The following NXNL2 variants were observed in gnomAD, a reference collection of about 807,000 sequenced individuals.
NXNL2 encodes the protein nucleoredoxin-like protein 2.
In NXNL2, 7 loss-of-function variants were observed where a neutral mutation model predicts 11.1. The observed-to-expected ratio is 0.63, with a 90% CI of 0.36 to 1.18. NXNL2 has a LOEUF of 1.18. Among genes scored for constraint, NXNL2 ranks in the 50% most tolerant of loss-of-function variants. The pLI, the probability that NXNL2 is intolerant of heterozygous loss-of-function variation, is 0.02. For synonymous variants in NXNL2, 109 were observed against 101.8 expected (o/e 1.07, Z -0.42); for missense variants, 233 against 217.7 (o/e 1.07, Z -0.44).
intron 1 of NXNL2, among the ~76,000 whole-genome samples, chr9:88,564,211 GAA>G (rs1170933893): frequency 7.9e-6 from 1 of 125,812 alleles, no homozygotes. Flanking sequence ...AACTCCATTT[GAA>G]AAAAAAAAAA....
intron 1 of NXNL2, among the ~76,000 whole-genome samples, chr9:88,555,274 A>T (rs1417532342): frequency 2.0e-5 from 3 of 152,196 alleles, no homozygotes; most frequent in Non-Finnish European, 4.4e-5. Flanking sequence ...TTGCTTGATC[A>T]TATGCTAAAC....
Position 88,535,600 on chromosome 9 carries a change from G to T in NXNL2, c.166G>T (p.Val56Leu). 6.2e-7 allele frequency: 1 copy of T among 1,609,422 alleles called. No homozygotes were observed. The highest frequency in any genetic ancestry group is 8.5e-7 in the Non-Finnish European group (1 of 1,179,326). ...GCTCTGCGACTTCTATACGGCGCTG[G>T]TGGCCGAGGCGCGGCGGCCCGCGCC... ...PLLCDFYTAL[V>L]AEARRPAPFE... The change falls in exon 1 of 2, where the codon GTG (valine) becomes TTG (leucine). Residue 56 changes from valine (V) to leucine (L), a missense_variant. Physicochemically the swap from Val to Leu is conservative, Grantham distance 32. Coordinates refer to ENST00000375854, the MANE Select transcript of NXNL2 (RefSeq NM_001161625.2).
chr9:88,577,340 C>A (rs756496059), downstream of NXNL2, among the ~76,000 whole-genome samples: 1 of 151,882 alleles, frequency 6.6e-6, no homozygotes, highest in African/African-American at 2.4e-5. Context: ...TTGTGATGCA[C>A]CCCCGGGCAG....
chr9:88,579,540 G>A (rs780736670), downstream of NXNL2, among the ~76,000 whole-genome samples: 1 of 152,170 alleles, frequency 6.6e-6, no homozygotes, highest in Non-Finnish European at 1.5e-5. Flanking sequence ...TGATGCTTAA[G>A]CCAAACGCTC....
At chr9:88,547,912 G>A (rs147373401), downstream of NXNL2, among the ~76,000 whole-genome samples, 909 of 152,018 alleles carry the variant, frequency 6.0e-3, 4 homozygotes, top group Non-Finnish European at 7.4e-3. Flanking sequence ...AGCTACCCGG[G>A]AGGCTGAGGC....
intron 1 of NXNL2, among the ~76,000 whole-genome samples, chr9:88,555,412 C>T (rs993406028): frequency 5.3e-5 from 8 of 152,026 alleles, no homozygotes; most frequent in South Asian, 2.1e-4. Flanking sequence ...ACTGTCATGG[C>T]GCCAGTGGGA....
At chr9:88,555,675 G>A (rs1829999233) in intron 1 of NXNL2, among the ~76,000 whole-genome samples, 2 of 152,266 alleles carry the variant, frequency 1.3e-5, no homozygotes, top group South Asian at 4.1e-4. Context: ...GATTCTTTCG[G>A]TGCCGCTTTG....
chr9:88,544,588 T>A lies in NXNL2; in HGVS notation c.*41T>A. ...AGAGGGCCAGGACAGGTGCTGCTTC[T>A]CCAGCACCGACGCTGGGGCAAAGAG... On this transcript the variant is annotated 3_prime_UTR_variant, in exon 2 of 2. Coordinates refer to ENST00000375854, the MANE Select transcript of NXNL2 (RefSeq NM_001161625.2). 6.8e-7 allele frequency: 1 copy of A among 1,473,846 alleles called. No individual in the cohort carries two copies. The highest frequency in any genetic ancestry group is 9.0e-7 in the Non-Finnish European group (1 of 1,108,072). 91.3% of individuals were successfully genotyped at this position (1,473,846 alleles called of 1,614,324 possible). A position where few individuals can be genotyped will look rare whatever the true frequency, so the allele number is the denominator to read the frequency against.
intron 1 of NXNL2, among the ~76,000 whole-genome samples, chr9:88,544,128 G>A (rs903132599): frequency 2.0e-5 from 3 of 152,152 alleles, no homozygotes; most frequent in Non-Finnish European, 2.9e-5. Context: ...CCGAGATCGC[G>A]CCATTGCACT....
rs1830258881 is a variant in NXNL2, at chr9:88,571,146, AC to A, written c.364del (p.Leu122PhefsTer10). ...AGTGGCGTGATCTTAGCTCACTGCA[AC>A]CTTTGCCTCCTGGGTTCAAGTGATT... On this transcript the variant is annotated frameshift_variant, in exon 2 of 3. Transcript: ENST00000375855. LOFTEE classifies it high-confidence loss of function. 2 of 366,854 alleles carry A rather than the reference AC, an allele frequency of 5.5e-6. No homozygotes were observed. The allele number at this position is 366,854 out of a possible 1,614,324, so 22.7% of individuals were successfully genotyped here.
downstream of NXNL2, among the ~76,000 whole-genome samples, chr9:88,577,623 A>AAG (rs5899044): frequency 0.037 from 5,392 of 147,646 alleles, 117 homozygotes; most frequent in East Asian, 0.15. Flanking sequence ...TGGAGAGAGA[A>AAG]AGAGAGAGAG....
chr9:88,553,959 T>A (rs1829978166), intron 1 of NXNL2, among the ~76,000 whole-genome samples: 1 of 152,176 alleles, frequency 6.6e-6, no homozygotes, highest in Non-Finnish European at 1.5e-5. Context: ...TTCAGGTAAA[T>A]GTATTGTATT....
chr9:88,571,071 C>CTTTT, intron 1 of NXNL2: 10 of 354,126 alleles, frequency 2.8e-5, no homozygotes, highest in East Asian at 2.0e-4. Context: ...GCTTTCTTTT[C>CTTTT]TTTTTTTTTT....
rs910511586 is a variant in NXNL2 at position 88,544,707 on chromosome 9, A to C, written c.*160A>C. The C allele has an allele frequency of 7.1e-7, 1 of 1,404,232 alleles. No individual in the cohort carries two copies. The highest frequency in any genetic ancestry group is 9.2e-7 in the Non-Finnish European group (1 of 1,082,482). 87.0% of individuals were successfully genotyped at this position (1,404,232 alleles called of 1,614,324 possible). On this transcript the variant is annotated 3_prime_UTR_variant, in exon 2 of 2. Coordinates refer to ENST00000375854, the MANE Select transcript of NXNL2 (RefSeq NM_001161625.2). The stretch of plus-strand genomic sequence containing the variant: ...GGTCAAAAAGCAACTATTGCTCAGG[A>C]AATAATACACTCCATATTTTGATCA...
At chr9:88,566,973 C>CATCCATCTATCT (rs1554706788) in intron 1 of NXNL2, among the ~76,000 whole-genome samples, 6 of 123,472 alleles carry the variant, frequency 4.9e-5, no homozygotes, top group Admixed American at 4.8e-4. Flanking sequence ...TATTATCTAT[C>CATCCATCTATCT]ATCTATCTAT....
At position 88,544,413 on chromosome 9, in the gene NXNL2, C is replaced by G; in HGVS notation, c.337C>G (p.Pro113Ala). Residue 113 changes from proline to alanine, a missense_variant, in exon 2 of 2, where the codon CCC (proline) becomes GCC (alanine). By Grantham distance (27) the Pro-to-Ala change is conservative (BLOSUM62 -1). Transcript: ENST00000375854. ...GAAGAGGTACAACGTCACAGCCATCCCCAAGCTTGTGATTGTGAAACAAAA... is the reference window on the plus strand; with the variant it reads ...GAAGAGGTACAACGTCACAGCCATCGCCAAGCTTGTGATTGTGAAACAAAA... ...LRKRYNVTAI[P>A]KLVIVKQNGE... 1 of 1,551,884 alleles carries G rather than the reference C, an allele frequency of 6.4e-7. No individual in the cohort carries two copies. Among genetic ancestry groups the G allele is most frequent in the Non-Finnish European group, 8.7e-7 (1 of 1,147,038 alleles).
chr9:88,569,026 A>C (rs562513518), intron 1 of NXNL2, among the ~76,000 whole-genome samples: 1 of 152,132 alleles, frequency 6.6e-6, no homozygotes, highest in Non-Finnish European at 1.5e-5. Context: ...TCTCAGGCTC[A>C]AGCGATATTT....
downstream of NXNL2, among the ~76,000 whole-genome samples, chr9:88,546,541 G>A (rs778598524): frequency 2.7e-5 from 4 of 149,764 alleles, no homozygotes; most frequent in Non-Finnish European, 5.9e-5. Flanking sequence ...TCAGCCTCCC[G>A]AGTAGCTGGG....
intron 1 of NXNL2, among the ~76,000 whole-genome samples, chr9:88,557,998 G>T (rs917897126): frequency 1.3e-4 from 20 of 152,144 alleles, no homozygotes; most frequent in Non-Finnish European, 2.4e-4. Flanking sequence ...ATATATTTGG[G>T]CTTCATCTGT....
Sources: gnomAD v4.1 joint callset for allele counts (sites outside exome capture counted in the v4.1 genomes callset) on GRCh38, gnomAD v4.1.1 for gene constraint, MANE v1.5 for transcripts, NCBI Gene and HGNC (gene_info 2026-07-23, HGNC 2026-07-21) for gene names.